The following NLGN1 variants were observed in gnomAD, a reference collection of about 807,000 sequenced individuals.
NLGN1 encodes the protein neuroligin 1.
Under a neutral mutation model 65.5 loss-of-function variants are expected in NLGN1, and 12 were observed. The ratio of observed to expected loss-of-function variants is 0.18; its 90% CI spans 0.12 to 0.30. NLGN1 has a LOEUF of 0.30. NLGN1 is among the 10% of genes least tolerant of loss of function. The pLI, the probability that NLGN1 is intolerant of heterozygous loss-of-function variation, is 1.00. For synonymous variants in NLGN1, 350 were observed against 359.5 expected (o/e 0.97, Z 0.30); for missense variants, 750 against 1,007.1 (o/e 0.74, Z 3.46).
intron 4 of NLGN1, among the ~76,000 whole-genome samples, chr3:174,227,832 T>G (rs1296072692): frequency 6.6e-6 from 1 of 152,070 alleles, no homozygotes; most frequent in Non-Finnish European, 1.5e-5. Flanking sequence ...AATGTTAGCA[T>G]CATCTAATAT....
At chr3:174,060,864 T>C (rs909030027) in intron 4 of NLGN1, among the ~76,000 whole-genome samples, 1 of 152,038 alleles carries the variant, frequency 6.6e-6, no homozygotes, top group Non-Finnish European at 1.5e-5. Flanking sequence ...AGAACTGAGA[T>C]AGGACACTTA....
downstream of NLGN1, among the ~76,000 whole-genome samples, chr3:174,291,231 T>C (rs1752735074): frequency 6.7e-6 from 1 of 149,642 alleles, no homozygotes; most frequent in Non-Finnish European, 1.5e-5. Flanking sequence ...CAAGCATAAG[T>C]GATAAGAAGA....
chr3:173,531,591 T>A (rs1379861884), intron 2 of NLGN1, among the ~76,000 whole-genome samples: 5 of 71,642 alleles, frequency 7.0e-5, no homozygotes, highest in African/African-American at 2.1e-4. Context: ...ACACACACAC[T>A]TCTATGGAAA....
chr3:173,713,805 A>G (rs907736063), intron 3 of NLGN1, among the ~76,000 whole-genome samples: 2 of 152,146 alleles, frequency 1.3e-5, no homozygotes, highest in Non-Finnish European at 2.9e-5. Context: ...TGTTACATGT[A>G]TGATTACATT....
chr3:173,602,448 A>T (rs1323902312), intron 2 of NLGN1, among the ~76,000 whole-genome samples: 1 of 152,068 alleles, frequency 6.6e-6, no homozygotes, highest in East Asian at 1.9e-4. Flanking sequence ...GGAGCTAAAC[A>T]TCATTCAAAT....
Position 173,416,704 on chromosome 3 carries a change from G to A in NLGN1, c.-390+18217G>A, listed in dbSNP as rs536553718. Among the ~76,000 whole-genome samples the A allele has an allele frequency of 1.1e-4, 17 of 152,138 alleles. No individual in the cohort carries two copies. In the South Asian group the frequency reaches 3.1e-3, roughly 28 times the overall value. ...CCAAAGCATGTGAGCATCAAGATTC[G>A]AAAGAAGAGGTGGGAGACATATAGT... On this transcript the variant is annotated intron_variant, in intron 1 of 6. Transcript: ENST00000457714.
chr3:174,194,644 C>CA (rs976012674), intron 4 of NLGN1, among the ~76,000 whole-genome samples: 3 of 149,788 alleles, frequency 2.0e-5, no homozygotes, highest in African/African-American at 4.9e-5. Flanking sequence ...CAAAAAAAAG[C>CA]AAAAAAATGA....
At chr3:173,517,103 G>T (rs1343752514) in intron 2 of NLGN1, among the ~76,000 whole-genome samples, 1 of 152,036 alleles carries the variant, frequency 6.6e-6, no homozygotes, top group Non-Finnish European at 1.5e-5. Flanking sequence ...TCTCATAAAA[G>T]CTTCTTCTAG....
At chr3:173,915,884 C>T (rs1008647510) in intron 4 of NLGN1, among the ~76,000 whole-genome samples, 2 of 151,820 alleles carry the variant, frequency 1.3e-5, no homozygotes, top group Admixed American at 6.6e-5. Flanking sequence ...CTATACTAGT[C>T]TTTCTTATTA....
chr3:173,641,163 G>A (rs74673985), intron 3 of NLGN1, among the ~76,000 whole-genome samples: 1 of 152,016 alleles, frequency 6.6e-6, no homozygotes, highest in African/African-American at 2.4e-5. Flanking sequence ...TAATCCCTTT[G>A]TACTTGTTAT....
chr3:173,493,633 G>T (rs1301881205), intron 2 of NLGN1, among the ~76,000 whole-genome samples: 1 of 151,794 alleles, frequency 6.6e-6, no homozygotes, highest in African/African-American at 2.4e-5. Flanking sequence ...AAATAGTACT[G>T]TCATAACTTA....
At chr3:173,988,949 C>T (rs1560787024) in intron 4 of NLGN1, among the ~76,000 whole-genome samples, 1 of 152,078 alleles carries the variant, frequency 6.6e-6, no homozygotes, top group African/African-American at 2.4e-5. Context: ...TTGACCAATC[C>T]ACTTTTGTTT....
At chr3:173,996,236 C>T (rs73042109) in intron 4 of NLGN1, among the ~76,000 whole-genome samples, 9 of 152,292 alleles carry the variant, frequency 5.9e-5, no homozygotes, top group African/African-American at 2.2e-4. Flanking sequence ...TGTTAGTCCA[C>T]ATGTTTAAAA....
the NLGN1 span, among the ~76,000 whole-genome samples, chr3:174,291,700 TA>T: frequency 6.6e-6 from 1 of 151,174 alleles, no homozygotes; most frequent in African/African-American, 2.4e-5. Flanking sequence ...TTATTGGCAT[TA>T]AAGAACTCAG....
chr3:173,533,605 T>C (rs1275519718), intron 2 of NLGN1, among the ~76,000 whole-genome samples: 1 of 152,054 alleles, frequency 6.6e-6, no homozygotes, highest in Non-Finnish European at 1.5e-5. Flanking sequence ...TCCATGAAAA[T>C]GAATGACCAA....
intron 3 of NLGN1, among the ~76,000 whole-genome samples, chr3:173,633,219 C>T (rs895527483): frequency 2.0e-5 from 3 of 152,016 alleles, no homozygotes; most frequent in African/African-American, 4.8e-5. Flanking sequence ...ATTATTTCAC[C>T]ATCTTTCTGA....
chr3:174,156,924 A>T (rs1360731692), intron 4 of NLGN1, among the ~76,000 whole-genome samples: 1 of 151,140 alleles, frequency 6.6e-6, no homozygotes, highest in African/African-American at 2.4e-5. Flanking sequence ...GATTCATTTT[A>T]AATTGCGTGA....
intron 2 of NLGN1, among the ~76,000 whole-genome samples, chr3:173,538,318 G>A (rs574350031): frequency 1.3e-5 from 2 of 152,174 alleles, no homozygotes; most frequent in Admixed American, 1.3e-4. Flanking sequence ...GCTGCTTCAG[G>A]GTGGTGGGAA....
At chr3:173,600,153 A>G (rs1750198887) in intron 2 of NLGN1, among the ~76,000 whole-genome samples, 1 of 151,022 alleles carries the variant, frequency 6.6e-6, no homozygotes, top group Non-Finnish European at 1.5e-5. Context: ...TGAGATTTGT[A>G]TATCTATGTA....
Sources: allele counts gnomAD v4.1 joint callset (sites outside exome capture counted in the v4.1 genomes callset), GRCh38; gene constraint gnomAD v4.1.1; transcripts MANE v1.5; gene names NCBI Gene and HGNC (gene_info 2026-07-23, HGNC 2026-07-21).